The following PCDHGA6 variants were observed in gnomAD, a reference collection of about 807,000 sequenced individuals.
PCDHGA6 encodes protocadherin gamma-A6.
PCDHGA6 carries 41 observed loss-of-function variants against 60.6 expected under a neutral mutation model. The observed-to-expected ratio is 0.68, with a 90% CI of 0.53 to 0.88. The LOEUF (loss-of-function observed/expected upper bound fraction) is 0.88, where lower values mean the gene tolerates loss of function less well. Among genes scored for constraint, PCDHGA6 ranks in the 40% least tolerant of loss-of-function variants. The pLI, the probability that PCDHGA6 is intolerant of heterozygous loss-of-function variation, is 0.00. For missense variants in PCDHGA6, 1,312 were observed against 1,203.0 expected (o/e 1.09, Z -1.34); for synonymous variants, 594 against 524.4 (o/e 1.13, Z -1.81).
intron 1 of PCDHGA6, chr5:141,422,641 A>G (rs557969590): frequency 1.2e-6 from 2 of 1,612,356 alleles, no homozygotes; most frequent in Admixed American, 1.7e-5. Context: ...GGGTGCCTCC[A>G]TCTTCTCAGT....
At chr5:141,456,342 G>A (rs1439003615) in intron 1 of PCDHGA6, among the ~76,000 whole-genome samples, 1 of 152,114 alleles carries the variant, frequency 6.6e-6, no homozygotes, top group African/African-American at 2.4e-5. Context: ...AAGGGTCCTC[G>A]GAAGAATGGC....
At chr5:141,388,195 T>C in intron 1 of PCDHGA6, 1 of 1,563,830 alleles carries the variant, frequency 6.4e-7, no homozygotes, top group Non-Finnish European at 8.8e-7. Flanking sequence ...GCTTGTGCTC[T>C]GGAATTTGAG....
At position 141,389,943 on chromosome 5, in the gene PCDHGA6, CAGTTTT is replaced by C. The variant is rs777429461; in HGVS notation, c.2424+13438_2424+13443del. The C allele has an allele frequency of 2.5e-6, 4 of 1,613,956 alleles. No homozygotes were observed. In the African/African-American group the frequency reaches 5.3e-5, roughly 22 times the overall value. On this transcript the variant is annotated intron_variant, in intron 1 of 3. Transcript: ENST00000517434. The stretch of plus-strand genomic sequence containing the variant: ...CCCCTCTGACCTCCAGGCTGAGCTG[CAGTTTT>C]ACCTAGTGGTGGCCTTGGCCTTGAT...
intron 1 of PCDHGA6, among the ~76,000 whole-genome samples, chr5:141,439,221 T>G (rs145700274): frequency 1.2e-3 from 182 of 151,852 alleles, no homozygotes; most frequent in African/African-American, 4.3e-3. Flanking sequence ...ATGTGAAAAT[T>G]CTTAGAAGCT....
rs2099385215 is a variant in PCDHGA6 at position 141,476,099 on chromosome 5, G to A, written c.2425-18708G>A. On this transcript the variant is annotated intron_variant, in intron 1 of 3. Coordinates refer to ENST00000517434, the MANE Select transcript of PCDHGA6 (RefSeq NM_018919.3). This position sits in a 1 kb window ranked among gnomAD's most constrained non-coding sequence, Gnocchi z 7.6. ...GGGACGATCTGGACCCCGCTGAGAGGAACTGCTTTTGAGTGAGATGGTCCC... is the reference window on the plus strand; with the variant it reads ...GGGACGATCTGGACCCCGCTGAGAGAAACTGCTTTTGAGTGAGATGGTCCC... 1 of 1,574,916 alleles carries A rather than the reference G, an allele frequency of 6.3e-7. No individual in the cohort carries two copies.
chr5:141,455,856 TTTTATTA>T (rs1315325745), intron 1 of PCDHGA6, among the ~76,000 whole-genome samples: 1 of 146,240 alleles, frequency 6.8e-6, no homozygotes, highest in East Asian at 2.0e-4. Flanking sequence ...AAATAATTTC[TTTTATTA>T]TTTATTTATT....
chr5:141,494,909 T>G (rs764123148), intron 2 of PCDHGA6, 44 bp downstream of exon 2: 1 of 1,614,042 alleles, frequency 6.2e-7, no homozygotes, highest in Admixed American at 1.7e-5. Flanking sequence ...CTGCGGCATT[T>G]TCTCAGGGAT....
At chr5:141,430,774 A>G (rs1269572813) in intron 1 of PCDHGA6, 11 of 1,508,872 alleles carry the variant, frequency 7.3e-6, no homozygotes, top group Non-Finnish European at 8.8e-7. Context: ...TTCCTGCGCG[A>G]CTGCACCGGG....
In PCDHGA6 at chr5:141,423,972, T is replaced by C. The variant is rs1459859824; in HGVS notation, c.2424+47465T>C. ...TTTAGTATTATTTTTCTATTATCAG[T>C]GTATGAGGCTCTCAATTTATTATAT... On this transcript the variant is annotated intron_variant, in intron 1 of 3. Transcript: ENST00000517434. 4 of 1,128,544 alleles carry C rather than the reference T, an allele frequency of 3.5e-6. No homozygotes were observed. The East Asian group carries it at 1.9e-4, about 53-fold the overall frequency. The allele number at this position is 1,128,544 out of a possible 1,614,324, so 69.9% of individuals were successfully genotyped here.
chr5:141,376,682 T>TTTTTTGTTG lies in PCDHGA6; in HGVS notation c.2424+180_2424+181insGTTGTTTTT, dbSNP rs1554084782. On this transcript the variant is annotated intron_variant, in intron 1 of 3. Coordinates refer to ENST00000517434, the MANE Select transcript of PCDHGA6 (RefSeq NM_018919.3). ...TTGTTCAGGTGAGGGTATCGTTTTTTTTTTTTTTTTTTTTTGAGACGGAGT... is the reference window on the plus strand; with the variant it reads ...TTGTTCAGGTGAGGGTATCGTTTTTTTTTTTGTTGTTTTTTTTTTTTTTTGAGACGGAGT... The TTTTTTGTTG allele has an allele frequency of 3.8e-6, 3 of 786,082 alleles. No homozygotes were observed. In the African/African-American group the frequency reaches 5.8e-5, roughly 15 times the overall value. 48.7% of individuals were successfully genotyped at this position (786,082 alleles called of 1,614,324 possible). A position where few individuals can be genotyped will look rare whatever the true frequency, so the allele number is the denominator to read the frequency against.
chr5:141,511,062 C>T lies in PCDHGA6; in HGVS notation c.2688C>T (p.Tyr896=), dbSNP rs775583963. The change falls in exon 4 of 4, where the codon TAC becomes TAT. Residue 896 remains tyrosine, a synonymous_variant. Transcript: ENST00000517434. ...TGCCCGACTACCGCCAGAATGTCTACATCCCAGGCAGCAATGCCACACTGA... is the reference window on the plus strand; with the variant it reads ...TGCCCGACTACCGCCAGAATGTCTATATCCCAGGCAGCAATGCCACACTGA... ...QHVPDYRQNV[Y]IPGSNATLTN... The T allele has an allele frequency of 6.2e-7, 1 of 1,614,246 alleles. No homozygotes were observed. The highest frequency in any genetic ancestry group is 1.3e-5 in the African/African-American group (1 of 75,064).
At chr5:141,492,778 G>A (rs2099743821) in intron 1 of PCDHGA6, among the ~76,000 whole-genome samples, 1 of 152,250 alleles carries the variant, frequency 6.6e-6, no homozygotes, top group South Asian at 2.1e-4. Context: ...GAGTGAGTGA[G>A]CCTCTATAGG....
chr5:141,431,868 A>G lies in PCDHGA6; in HGVS notation c.2424+55361A>G, dbSNP rs755283039. On this transcript the variant is annotated intron_variant, in intron 1 of 3. Coordinates refer to ENST00000517434, the MANE Select transcript of PCDHGA6 (RefSeq NM_018919.3). This position sits in a 1 kb window ranked among gnomAD's most constrained non-coding sequence, Gnocchi z 4.8. ...AGAGGGACATTAATTGCCCTTTTAAATGTAAATGACCAAGATTCTGAGGAA... is the reference window on the plus strand; with the variant it reads ...AGAGGGACATTAATTGCCCTTTTAAGTGTAAATGACCAAGATTCTGAGGAA... 4.3e-6 allele frequency: 7 copies of G among 1,614,102 alleles called. No individual in the cohort carries two copies. In the South Asian group the frequency reaches 6.6e-5, roughly 15 times the overall value.
At chr5:141,389,413 G>A in intron 1 of PCDHGA6, 1 of 1,613,608 alleles carries the variant, frequency 6.2e-7, no homozygotes, top group South Asian at 1.1e-5. Flanking sequence ...GCGGAGAGCG[G>A]GGTGGTGTTC....
intron 1 of PCDHGA6, among the ~76,000 whole-genome samples, chr5:141,482,899 T>C (rs1238389686): frequency 1.3e-5 from 2 of 152,076 alleles, no homozygotes; most frequent in Non-Finnish European, 2.9e-5. Context: ...TGGTGAAACC[T>C]CATCTCTATT....
chr5:141,414,435 C>T lies in PCDHGA6; in HGVS notation c.2424+37928C>T, dbSNP rs891322256. 4.3e-6 allele frequency: 7 copies of T among 1,613,678 alleles called. No homozygotes were observed. In the African/African-American group the frequency reaches 8.0e-5, roughly 18 times the overall value. On this transcript the variant is annotated intron_variant, in intron 1 of 3. Coordinates refer to ENST00000517434, the MANE Select transcript of PCDHGA6 (RefSeq NM_018919.3). ...GAGCCCTTGACAGGGAACAGGTATC[C>T]TCTTACAATATCACAGTGACAGCCA...
chr5:141,392,360 CAATCTGATCATTCTGATCT>C (rs1372415416), intron 1 of PCDHGA6: 2 of 152,712 alleles, frequency 1.3e-5, no homozygotes, highest in Non-Finnish European at 2.9e-5. Context: ...TCCGATGCTA[CAATCTGATCATTCTGATCT>C]AATCTGATCA....
At chr5:141,385,619 T>C (rs1478717188) in intron 1 of PCDHGA6, 1 of 1,064,028 alleles carries the variant, frequency 9.4e-7, no homozygotes, top group Non-Finnish European at 1.2e-6. Flanking sequence ...ATTTTATACA[T>C]TGGAATGAAT....
chr5:141,400,319 C>A lies in PCDHGA6; in HGVS notation c.2424+23812C>A, dbSNP rs762588918. ...TTCCAACCTGGTCTCTGTGTCAAGTCTGGACCTGTGGTTCCCCCCAACTAC... is the reference window on the plus strand; with the variant it reads ...TTCCAACCTGGTCTCTGTGTCAAGTATGGACCTGTGGTTCCCCCCAACTAC... On this transcript the variant is annotated intron_variant, in intron 1 of 3. Coordinates refer to ENST00000517434, the MANE Select transcript of PCDHGA6 (RefSeq NM_018919.3). The A allele has an allele frequency of 4.3e-6, 7 of 1,614,092 alleles. No individual in the cohort carries two copies. In the South Asian group the frequency reaches 7.7e-5, roughly 18 times the overall value.
Sources: gnomAD v4.1 joint callset for allele counts (sites outside exome capture counted in the v4.1 genomes callset) on GRCh38, gnomAD v4.1.1 for gene constraint, Gnocchi (gnomAD v3.1) non-coding constraint, MANE v1.5 for transcripts, NCBI Gene and HGNC (gene_info 2026-07-23, HGNC 2026-07-21) for gene names.